The following COL9A1 variants were observed in gnomAD, a reference collection of about 807,000 sequenced individuals.
The protein encoded by COL9A1 is collagen alpha-1(IX) chain.
COL9A1 carries 104 observed loss-of-function variants against 142.6 expected under a neutral mutation model. That is an observed-to-expected ratio of 0.73 (90% CI 0.62 to 0.86). The LOEUF (loss-of-function observed/expected upper bound fraction) is 0.86, where lower values mean the gene tolerates loss of function less well. COL9A1 is among the 40% of genes least tolerant of loss of function. The pLI, the probability that COL9A1 is intolerant of heterozygous loss-of-function variation, is 0.00. For synonymous variants in COL9A1, 466 were observed against 396.0 expected, an observed-to-expected ratio of 1.18 and a Z score of -2.10; for missense variants, 1,210 against 1,176.6, an observed-to-expected ratio of 1.03 and a Z score of -0.42.
intron 35 of COL9A1, 68 bp from the exon 36 acceptor site, chr6:70,232,839 G>A: frequency 6.7e-7 from 1 of 1,495,418 alleles, no homozygotes; most frequent in South Asian, 1.2e-5. Flanking sequence ...TGAAAAGAGA[G>A]GTATTCCAAA....
chr6:70,274,186 T>TC (rs1772594346), intron 11 of COL9A1, 104 bp from the exon 12 acceptor site: 2 of 421,786 alleles, frequency 4.7e-6, no homozygotes, highest in South Asian at 8.7e-5. Flanking sequence ...CATTATGGTG[T>TC]TTTTTTTTTT....
In COL9A1 at chr6:70,267,319, G is replaced by GTTTTTTTTTTTTTTTTTTT. The variant is rs1050364230; in HGVS notation, c.1288-550_1288-549insAAAAAAAAAAAAAAAAAAA. The stretch of plus-strand genomic sequence containing the variant: ...TACATTTTTTGTTGTTGTTTGTTTG[G>GTTTTTTTTTTTTTTTTTTT]TTTTTTTGTTTTTTTTTTTTGAGAT... On this transcript the variant is annotated intron_variant, in intron 17 of 37. Coordinates refer to ENST00000357250, the MANE Select transcript of COL9A1 (RefSeq NM_001851.6). Among the ~76,000 whole-genome samples, 54 of 99,658 alleles carry GTTTTTTTTTTTTTTTTTTT rather than the reference G, an allele frequency of 5.4e-4. 2 individuals carry two copies. The highest frequency in any genetic ancestry group is 1.4e-3 in the South Asian group (5 of 3,502). The allele number at this position is 99,658 out of a possible 152,430, so 65.4% of individuals were successfully genotyped here.
intron 10 of COL9A1, chr6:70,279,985 T>C (rs1423763447): frequency 1.4e-6 from 1 of 696,732 alleles, no homozygotes; most frequent in South Asian, 1.6e-5. Context: ...CTTCACTTCA[T>C]ATTCCAGGGA....
chr6:70,269,425 G>T (rs2127589043), intron 16 of COL9A1, among the ~76,000 whole-genome samples: 1 of 152,270 alleles, frequency 6.6e-6, no homozygotes, highest in African/African-American at 2.4e-5. Flanking sequence ...GATCATAAAA[G>T]AACAAAGATA....
rs1390277589 is a variant in COL9A1 at position 70,241,519 on chromosome 6, C to G, written c.1999-65G>C. On this transcript the variant is annotated intron_variant, in intron 30 of 37. Coordinates refer to ENST00000357250, the MANE Select transcript of COL9A1 (RefSeq NM_001851.6). ...ACTGTTTATATAATTTCAAGTGAAC[C>G]TTATTGGGTGGGTGGATAAGCACAA... The G allele has an allele frequency of 3.7e-6, 5 of 1,369,146 alleles. No homozygotes were observed. The East Asian group carries it at 1.2e-4, about 33-fold the overall frequency. The allele number at this position is 1,369,146 out of a possible 1,614,324, so 84.8% of individuals were successfully genotyped here.
At chr6:70,273,863 C>A in intron 12 of COL9A1, 184 bp downstream of exon 12, 1 of 273,522 alleles carries the variant, frequency 3.7e-6, no homozygotes. Flanking sequence ...AAATGCTTAC[C>A]ATACCAGATG....
intron 36 of COL9A1, among the ~76,000 whole-genome samples, chr6:70,227,840 C>T (rs1769331483): frequency 6.6e-6 from 1 of 152,086 alleles, no homozygotes; most frequent in African/African-American, 2.4e-5. Flanking sequence ...GAATGGTCTC[C>T]ATGGCATACT....
chr6:70,234,140 T>G (rs1013867404), intron 35 of COL9A1, among the ~76,000 whole-genome samples: 2 of 152,100 alleles, frequency 1.3e-5, no homozygotes, highest in African/African-American at 4.8e-5. Flanking sequence ...TCTCACAAAA[T>G]GTAGAGAAAG....
At chr6:70,288,034 G>A (rs1203371766) in intron 5 of COL9A1, among the ~76,000 whole-genome samples, 1 of 151,960 alleles carries the variant, frequency 6.6e-6, no homozygotes, top group Non-Finnish European at 1.5e-5. Flanking sequence ...TTCCCAGATG[G>A]ACCTATCTGT....
In COL9A1 at chr6:70,217,276, A is replaced by G. The variant is rs116353596; in HGVS notation, c.2582-195T>C. Among the ~76,000 whole-genome samples the G allele has an allele frequency of 1.9e-3, 284 of 152,296 alleles. 1 individual carries two copies. Among genetic ancestry groups the G allele is most frequent in the African/African-American group, 6.2e-3 (257 of 41,548 alleles). On this transcript the variant is annotated intron_variant, in intron 37 of 37. Coordinates refer to ENST00000357250, the MANE Select transcript of COL9A1 (RefSeq NM_001851.6). ...ATCCCTTCCTTGGACTTGGGTTTTC[A>G]TGGAAATTAAAAGCAGAAAGAGACC...
At position 70,239,276 on chromosome 6, in the gene COL9A1, C is replaced by G; in HGVS notation, c.2090G>C (p.Gly697Ala). 1 of 1,557,172 alleles carries G rather than the reference C, an allele frequency of 6.4e-7. No individual in the cohort carries two copies. Among genetic ancestry groups the G allele is most frequent in the Non-Finnish European group, 8.9e-7 (1 of 1,128,642 alleles). Residue 697 changes from glycine to alanine, a missense_variant, in exon 33 of 38, where the codon GGA (glycine) becomes GCA (alanine). Transcript: ENST00000357250. ...TACAGATCCCTTTGGGCCAGGTAATCCTATATCTCCCTAAATCAATAAAAG... is the reference window on the plus strand; with the variant it reads ...TACAGATCCCTTTGGGCCAGGTAATGCTATATCTCCCTAAATCAATAAAAG... ...AGERGELGDIGLPGPKGSAGN... is the reference protein window; with the variant it reads ...AGERGELGDIALPGPKGSAGN...
intron 4 of COL9A1, among the ~76,000 whole-genome samples, chr6:70,296,092 A>G (rs2127606143): frequency 6.6e-6 from 1 of 152,296 alleles, no homozygotes; most frequent in South Asian, 2.1e-4. Flanking sequence ...ATAACAACAT[A>G]AACAAATCTT....
intron 6 of COL9A1, chr6:70,283,195 C>G: frequency 6.8e-7 from 1 of 1,473,704 alleles, no homozygotes; most frequent in South Asian, 1.4e-5. Flanking sequence ...AGCGTCCAGG[C>G]CCGGGAGGCG....
At chr6:70,251,388 A>AT (rs1482439565) in intron 28 of COL9A1, among the ~76,000 whole-genome samples, 2 of 152,146 alleles carry the variant, frequency 1.3e-5, no homozygotes, top group African/African-American at 4.8e-5. Context: ...CTACAAAAAA[A>AT]AATTAAAAGT....
chr6:70,279,060 A>ACAAAATAAATATTTTATTTAC (rs2127595601), intron 10 of COL9A1, among the ~76,000 whole-genome samples: 1 of 152,362 alleles, frequency 6.6e-6, no homozygotes, highest in Admixed American at 6.5e-5. Context: ...TTTTTGAAAT[A>ACAAAATAAATATTTTATTTAC]CAAAATAAAT....
rs9446213 is a variant in COL9A1, at chr6:70,239,316, A to G, written c.2080-30T>C. ...ATCAATAAAAGAAATTTATGTTAGA[A>G]CAATGTATTCACATTTGATAATTTC... On this transcript the variant is annotated intron_variant, in intron 32 of 37. Transcript: ENST00000357250. The G allele has an allele frequency of 0.067, 93,326 of 1,392,614 alleles. 3,340 individuals are homozygous for G. The highest frequency in any genetic ancestry group is 0.11 in the African/African-American group (7,659 of 70,484). 86.3% of individuals were successfully genotyped at this position (1,392,614 alleles called of 1,614,324 possible).
chr6:70,264,526 G>T (rs12197540), intron 18 of COL9A1, among the ~76,000 whole-genome samples: 24,799 of 151,914 alleles, frequency 0.16, 2,171 homozygotes, highest in Non-Finnish European at 0.2. Context: ...CATCATGTGT[G>T]CCTAATTAAA....
intron 28 of COL9A1, among the ~76,000 whole-genome samples, chr6:70,244,991 A>C (rs1161424669): frequency 6.6e-6 from 1 of 152,162 alleles, no homozygotes; most frequent in African/African-American, 2.4e-5. Flanking sequence ...AATTGTGAGC[A>C]TTTACTCCCC....
At chr6:70,239,979 TA>T (rs1267045378) in intron 32 of COL9A1, among the ~76,000 whole-genome samples, 2 of 152,200 alleles carry the variant, frequency 1.3e-5, no homozygotes, top group South Asian at 2.1e-4. Context: ...AAAATATGAA[TA>T]AAACATTTCT....
Sources: allele counts gnomAD v4.1 joint callset (sites outside exome capture counted in the v4.1 genomes callset), GRCh38; gene constraint gnomAD v4.1.1; transcripts MANE v1.5; gene names NCBI Gene and HGNC (gene_info 2026-07-23, HGNC 2026-07-21).